The following FBXL20 variants were observed in gnomAD, a reference collection of about 807,000 sequenced individuals.
FBXL20 encodes F-box/LRR-repeat protein 20.
A neutral mutation model predicts 64.0 loss-of-function variants in FBXL20; 11 were observed. That is an observed-to-expected ratio of 0.17 (90% confidence interval 0.11 to 0.28). FBXL20 has a LOEUF of 0.28. FBXL20 is among the 10% of genes least tolerant of loss of function. FBXL20 has a pLI of 1.00. For synonymous variants in FBXL20, 184 were observed against 189.0 expected, an observed-to-expected ratio of 0.97 and a Z score of 0.22; for missense variants, 303 against 526.2, an observed-to-expected ratio of 0.58 and a Z score of 4.15.
intron 1 of FBXL20, among the ~76,000 whole-genome samples, chr17:39,384,662 G>C (rs1403377165): frequency 1.4e-4 from 21 of 151,876 alleles, no homozygotes. Flanking sequence ...TATAGAAATA[G>C]ATTACATAAT....
chr17:39,296,951 C>CCAAACA (rs2047091757), intron 6 of FBXL20, among the ~76,000 whole-genome samples, 176 bp downstream of exon 6: 1 of 152,136 alleles, frequency 6.6e-6, no homozygotes, highest in African/African-American at 2.4e-5. Flanking sequence ...AGATAGAATT[C>CCAAACA]CAAAACAAGT....
chr17:39,348,897 G>A (rs1196577775), intron 1 of FBXL20, among the ~76,000 whole-genome samples: 1 of 152,002 alleles, frequency 6.6e-6, no homozygotes, highest in Non-Finnish European at 1.5e-5. Context: ...GTCTCACTAT[G>A]TTGCCCAATC....
At chr17:39,364,731 C>A (rs958027715) in intron 1 of FBXL20, among the ~76,000 whole-genome samples, 2 of 152,234 alleles carry the variant, frequency 1.3e-5, no homozygotes, top group Non-Finnish European at 2.9e-5. Flanking sequence ...AGGAAGTCCA[C>A]ACTAAACTCC....
chr17:39,271,675 A>G (rs1396708043), intron 10 of FBXL20, among the ~76,000 whole-genome samples: 3 of 150,544 alleles, frequency 2.0e-5, no homozygotes, highest in Non-Finnish European at 4.4e-5. Context: ...GAAATTCTAG[A>G]CTTGTGAAAG....
intron 1 of FBXL20, among the ~76,000 whole-genome samples, chr17:39,352,923 A>G (rs1390428604): frequency 6.6e-6 from 1 of 152,156 alleles, no homozygotes; most frequent in Non-Finnish European, 1.5e-5. Flanking sequence ...TTTGACCAGT[A>G]GGTTGTAAGA....
At chr17:39,341,089 A>G (rs2047578928) in intron 2 of FBXL20, among the ~76,000 whole-genome samples, 1 of 151,844 alleles carries the variant, frequency 6.6e-6, no homozygotes, top group Non-Finnish European at 1.5e-5. Flanking sequence ...TACATAAACC[A>G]ATGTTTTGTA....
At chr17:39,288,205 G>C (rs935298630) in intron 6 of FBXL20, among the ~76,000 whole-genome samples, 3 of 151,966 alleles carry the variant, frequency 2.0e-5, no homozygotes, top group African/African-American at 7.2e-5. Context: ...GACCTCAAAC[G>C]ATCCGCCCAC....
intron 1 of FBXL20, among the ~76,000 whole-genome samples, chr17:39,361,163 GAATTAGACCAT>G (rs1488212661): frequency 2.0e-5 from 3 of 152,042 alleles, no homozygotes; most frequent in African/African-American, 7.2e-5. Flanking sequence ...GGAGTTACAA[GAATTAGACCAT>G]AATGAAACCA....
chr17:39,285,134 G>A (rs548018146), intron 7 of FBXL20, among the ~76,000 whole-genome samples: 29 of 152,184 alleles, frequency 1.9e-4, no homozygotes, highest in African/African-American at 6.7e-4. Context: ...TTAACCTCTT[G>A]ACCTCGTGAT....
intron 9 of FBXL20, among the ~76,000 whole-genome samples, chr17:39,275,528 C>G (rs576327339): frequency 6.6e-6 from 1 of 152,156 alleles, no homozygotes; most frequent in East Asian, 1.9e-4. Flanking sequence ...TCTCGTGCCT[C>G]AGCCTCCTGA....
At chr17:39,362,542 C>T (rs985137539) in intron 1 of FBXL20, among the ~76,000 whole-genome samples, 3 of 150,542 alleles carry the variant, frequency 2.0e-5, no homozygotes, top group Non-Finnish European at 4.4e-5. Context: ...AGGCTGGTCT[C>T]GAACTCCCGA....
intron 1 of FBXL20, among the ~76,000 whole-genome samples, chr17:39,400,692 A>G (rs2048232754): frequency 6.6e-6 from 1 of 152,196 alleles, no homozygotes; most frequent in African/African-American, 2.4e-5. Context: ...TAGAGGAGAA[A>G]AAGTTCCTGA....
intron 1 of FBXL20, among the ~76,000 whole-genome samples, chr17:39,366,811 T>G (rs2047864250): frequency 6.6e-6 from 1 of 152,122 alleles, no homozygotes; most frequent in African/African-American, 2.4e-5. Context: ...TTTTAGTATA[T>G]TCTCTTTATC....
At chr17:39,288,037 C>A (rs996286201) in intron 6 of FBXL20, among the ~76,000 whole-genome samples, 11 of 147,426 alleles carry the variant, frequency 7.5e-5, no homozygotes, top group African/African-American at 2.3e-4. Context: ...GATCTCAGCT[C>A]ACTGCAACCT....
intron 2 of FBXL20, among the ~76,000 whole-genome samples, chr17:39,306,173 C>T (rs1324872270): frequency 4.4e-5 from 6 of 136,822 alleles, no homozygotes; most frequent in African/African-American, 8.8e-5. Context: ...TTTTTTAAGA[C>T]GGAGTTTTGC....
chr17:39,337,237 C>T (rs2047531903), intron 2 of FBXL20, among the ~76,000 whole-genome samples: 1 of 152,232 alleles, frequency 6.6e-6, no homozygotes. Context: ...ATCCGCCAGC[C>T]TCGGCCTCCC....
chr17:39,366,060 G>C (rs141295906), intron 1 of FBXL20, among the ~76,000 whole-genome samples: 155 of 151,996 alleles, frequency 1.0e-3, no homozygotes, highest in Non-Finnish European at 2.0e-3. Context: ...TCACAGGAGC[G>C]ATCATAGTAC....
At chr17:39,299,139 G>T in intron 4 of FBXL20, 55 bp from the exon 5 acceptor site, 2 of 1,173,424 alleles carry the variant, frequency 1.7e-6, no homozygotes, top group Non-Finnish European at 1.2e-6. Context: ...CTTTAGAAAA[G>T]AACACATACT....
intron 3 of FBXL20, among the ~76,000 whole-genome samples, chr17:39,301,692 C>T (rs1041674759): frequency 6.6e-6 from 1 of 151,744 alleles, no homozygotes; most frequent in African/African-American, 2.4e-5. Context: ...TGTGCCACTG[C>T]ACTCCAGCCT....
Sources: gnomAD v4.1 joint callset for allele counts (sites outside exome capture counted in the v4.1 genomes callset) on GRCh38, gnomAD v4.1.1 for gene constraint, MANE v1.5 for transcripts, NCBI Gene and HGNC (gene_info 2026-07-23, HGNC 2026-07-21) for gene names.